UBASH3B: variants seen among roughly 807,000 people sequenced by gnomAD.
UBASH3B encodes the protein ubiquitin-associated and SH3 domain-containing protein B.
Under a neutral mutation model 83.4 loss-of-function variants are expected in UBASH3B, and 37 were observed. The observed-to-expected ratio is 0.44, with a 90% CI of 0.34 to 0.58. The LOEUF (loss-of-function observed/expected upper bound fraction) is 0.58. Ranked by LOEUF, UBASH3B falls within the 20% of genes least tolerant of loss-of-function variation. UBASH3B has a pLI of 0.01. For missense variants in UBASH3B, 657 were observed against 827.2 expected (o/e 0.79, Z 2.52); for synonymous variants, 304 against 318.3 (o/e 0.96, Z 0.48).
intron 1 of UBASH3B, among the ~76,000 whole-genome samples, chr11:122,725,441 C>A (rs1378056925): frequency 6.6e-6 from 1 of 151,750 alleles, no homozygotes; most frequent in Non-Finnish European, 1.5e-5. Context: ...CAACCTTAAC[C>A]GTGGTCAGGA....
chr11:122,698,589 A>G (rs1375853906), intron 1 of UBASH3B, among the ~76,000 whole-genome samples: 1 of 152,130 alleles, frequency 6.6e-6, no homozygotes, highest in African/African-American at 2.4e-5. Context: ...GGCAGGTGCC[A>G]GCTGTGAGGA....
At chr11:122,712,913 T>C (rs1375860151) in intron 1 of UBASH3B, among the ~76,000 whole-genome samples, 2 of 130,488 alleles carry the variant, frequency 1.5e-5, no homozygotes, top group African/African-American at 5.9e-5. Context: ...TTTTTTTTTT[T>C]TTTTTTTTTT....
Position 122,776,279 on chromosome 11 carries a change from A to G in UBASH3B, c.215+7A>G, listed in dbSNP as rs1289941200. 6.2e-7 allele frequency: 1 copy of G among 1,601,780 alleles called. No homozygotes were observed. The highest frequency in any genetic ancestry group is 8.5e-7 in the Non-Finnish European group (1 of 1,175,434). ...TTCAGGCAGCATGTGACTGGTTGGT[A>G]TGAGATAAATAAATTGAGAAAATAG... On this transcript the variant is annotated splice_region_variant and intron_variant, in intron 2 of 13. Transcript: ENST00000284273.
intron 10 of UBASH3B, among the ~76,000 whole-genome samples, chr11:122,800,981 C>G (rs1269774716): frequency 6.6e-6 from 1 of 152,156 alleles, no homozygotes; most frequent in African/African-American, 2.4e-5. Context: ...AGCATACATC[C>G]TGGGGGTACG....
chr11:122,768,922 C>T (rs759645375), intron 1 of UBASH3B, among the ~76,000 whole-genome samples: 1 of 152,194 alleles, frequency 6.6e-6, no homozygotes, highest in African/African-American at 2.4e-5. Context: ...ACCCCTGTTA[C>T]GGGACAACCA....
chr11:122,797,042 C>T lies in UBASH3B; in HGVS notation c.1357+9C>T. On this transcript the variant is annotated intron_variant, in intron 9 of 13. Coordinates refer to ENST00000284273, the MANE Select transcript of UBASH3B (RefSeq NM_032873.5). ...GCAAGCAAGACTAGTGGGTAAGTAT[C>T]CTGGAGTGACTGCACTCCAGGCATT... 1.9e-6 allele frequency: 3 copies of T among 1,589,362 alleles called. No homozygotes were observed. The highest frequency in any genetic ancestry group is 2.6e-6 in the Non-Finnish European group (3 of 1,168,164).
chr11:122,725,342 A>AAAAAGAGAG (rs71281633), intron 1 of UBASH3B, among the ~76,000 whole-genome samples: 4 of 130,776 alleles, frequency 3.1e-5, no homozygotes, highest in Non-Finnish European at 4.9e-5. Context: ...AAAAAAAAAA[A>AAAAAGAGAG]AAGAAAAGAA....
chr11:122,754,042 A>G (rs1399198500), intron 1 of UBASH3B, among the ~76,000 whole-genome samples: 1 of 152,186 alleles, frequency 6.6e-6, no homozygotes, highest in Non-Finnish European at 1.5e-5. Context: ...CACCTGAAAC[A>G]TGGCCAGTGT....
At chr11:122,685,816 G>A (rs1017168752) in intron 1 of UBASH3B, among the ~76,000 whole-genome samples, 12 of 152,256 alleles carry the variant, frequency 7.9e-5, no homozygotes, top group Admixed American at 3.3e-4. Flanking sequence ...TACCACACCC[G>A]GCCAGCACCT....
intron 1 of UBASH3B, among the ~76,000 whole-genome samples, chr11:122,761,412 A>G (rs1182051937): frequency 2.0e-5 from 3 of 152,242 alleles, no homozygotes; most frequent in African/African-American, 7.2e-5. Context: ...TCGAGGCTGC[A>G]GTGAGCTGTG....
chr11:122,662,071 C>A lies in UBASH3B; in HGVS notation c.161+5861C>A, dbSNP rs190280432. Reference sequence around the variant, plus strand: ...TACAGGTATGTGCCATCATGCCCAGCTAATTTTGTATTTTTAGTAGGGACA... The same window carrying A: ...TACAGGTATGTGCCATCATGCCCAGATAATTTTGTATTTTTAGTAGGGACA... On this transcript the variant is annotated intron_variant, in intron 1 of 13. Coordinates refer to ENST00000284273, the MANE Select transcript of UBASH3B (RefSeq NM_032873.5). 2.0e-5 allele frequency among the ~76,000 whole-genome samples: 3 copies of A among 151,978 alleles called. No individual in the cohort carries two copies. In the East Asian group the frequency reaches 5.8e-4, roughly 30 times the overall value.
chr11:122,799,094 C>CA lies in UBASH3B; in HGVS notation c.1450+61dup, dbSNP rs916455515. ...ATCCCTCTCTTTCTAGGCAGCCCCA[C>CA]ACATAAATTATCTTAGAGCCATGGG... On this transcript the variant is annotated intron_variant, in intron 10 of 13. Coordinates refer to ENST00000284273, the MANE Select transcript of UBASH3B (RefSeq NM_032873.5). The CA allele has an allele frequency of 1.4e-5, 19 of 1,383,456 alleles. No homozygotes were observed. In the Middle Eastern group the frequency reaches 5.3e-4, roughly 39 times the overall value. The allele number at this position is 1,383,456 out of a possible 1,614,324, so 85.7% of individuals were successfully genotyped here.
At chr11:122,723,184 A>G (rs371801010) in intron 1 of UBASH3B, among the ~76,000 whole-genome samples, 3 of 152,240 alleles carry the variant, frequency 2.0e-5, no homozygotes, top group East Asian at 3.8e-4. Context: ...AATTAAAAAA[A>G]AAATCCTTTG....
chr11:122,665,146 T>C (rs1421642333), intron 1 of UBASH3B, among the ~76,000 whole-genome samples: 1 of 152,192 alleles, frequency 6.6e-6, no homozygotes, highest in African/African-American at 2.4e-5. Flanking sequence ...GACCTAGGCC[T>C]GCCTTTTTGA....
chr11:122,694,255 G>A (rs979354603), intron 1 of UBASH3B, among the ~76,000 whole-genome samples: 1 of 152,078 alleles, frequency 6.6e-6, no homozygotes, highest in Admixed American at 6.6e-5. Flanking sequence ...CTGGCAGGGA[G>A]GGGATGTAAC....
At chr11:122,696,017 G>A (rs943461275) in intron 1 of UBASH3B, among the ~76,000 whole-genome samples, 2 of 151,832 alleles carry the variant, frequency 1.3e-5, no homozygotes, top group African/African-American at 2.4e-5. Flanking sequence ...TGGTGCGATC[G>A]CTGCTCACTG....
intron 1 of UBASH3B, among the ~76,000 whole-genome samples, chr11:122,735,742 C>A (rs772952181): frequency 6.6e-6 from 1 of 152,110 alleles, no homozygotes; most frequent in Non-Finnish European, 1.5e-5. Flanking sequence ...GAGTTCCAGG[C>A]AGAGGGCCCA....
chr11:122,698,839 A>G (rs1454681276), intron 1 of UBASH3B, among the ~76,000 whole-genome samples: 2 of 152,020 alleles, frequency 1.3e-5, no homozygotes, highest in Admixed American at 6.6e-5. Flanking sequence ...TGCAGACCAT[A>G]TACTGGGATT....
At chr11:122,748,874 G>A (rs892716299) in intron 1 of UBASH3B, among the ~76,000 whole-genome samples, 1 of 152,148 alleles carries the variant, frequency 6.6e-6, no homozygotes, top group African/African-American at 2.4e-5. Flanking sequence ...GTGAGTACAC[G>A]GAAGGAAAGA....
Sources: allele counts gnomAD v4.1 joint callset (sites outside exome capture counted in the v4.1 genomes callset), GRCh38; gene constraint gnomAD v4.1.1; transcripts MANE v1.5; gene names NCBI Gene and HGNC (gene_info 2026-07-23, HGNC 2026-07-21).